The following CDNF variants were observed in gnomAD, a reference collection of about 807,000 sequenced individuals.
The protein encoded by CDNF is ARMET-like protein 1.
CDNF carries 9 observed loss-of-function variants against 14.8 expected under a neutral mutation model. The observed-to-expected ratio is 0.61, with a 90% CI of 0.37 to 1.06. The LOEUF (loss-of-function observed/expected upper bound fraction) is 1.06. Among genes scored for constraint, CDNF ranks in the 50% least tolerant of loss-of-function variants. The pLI, the probability that CDNF is intolerant of heterozygous loss-of-function variation, is 0.01. For missense variants in CDNF, 228 were observed against 228.4 expected (o/e 1.00, Z 0.01); for synonymous variants, 86 against 87.2 (o/e 0.99, Z 0.07).
intron 3 of CDNF, among the ~76,000 whole-genome samples, chr10:14,822,618 C>T (rs1304403043): frequency 6.6e-6 from 1 of 151,344 alleles, no homozygotes; most frequent in Non-Finnish European, 1.5e-5. Context: ...GTCCGGTGTT[C>T]ACTTTGATAA....
chr10:14,825,563 G>A lies in CDNF; in HGVS notation c.301C>T (p.Arg101Cys), dbSNP rs145772897. The change falls in exon 3 of 4, where the codon CGC becomes TGC. Residue 101 changes from arginine to cysteine, a missense_variant. Physicochemically the swap from Arg to Cys is radical, Grantham distance 180. Transcript: ENST00000465530. Reference protein sequence around the residue: ...AATKILSEVTRPMSVHMPAMK... With the variant: ...AATKILSEVTCPMSVHMPAMK... ...GCAGGCATATGCACACTCATTGGGC[G>A]AGTGACTTCACTTAGGATCTTTGTG... The A allele has an allele frequency of 7.3e-5, 118 of 1,614,038 alleles. No homozygotes were observed. Among genetic ancestry groups the A allele is most frequent in the Non-Finnish European group, 8.6e-5 (101 of 1,179,970 alleles).
In CDNF at chr10:14,826,095, AAGCAGC is replaced by A. The variant is rs71505046; in HGVS notation, c.244-481_244-476del. 3.7e-3 allele frequency among the ~76,000 whole-genome samples: 327 copies of A among 87,438 alleles called. 11 individuals are homozygous for A. Among genetic ancestry groups the A allele is most frequent in the African/African-American group, 6.8e-3 (135 of 19,742 alleles). The allele number at this position is 87,438 out of a possible 152,430, so 57.4% of individuals were successfully genotyped here. On this transcript the variant is annotated intron_variant, in intron 2 of 3. Transcript: ENST00000465530. ...GAAGAAGAAGAAGAAGAAGAAGAAG[AAGCAGC>A]AGCAGCAGCAGCAGCAGCAGCAGAA...
intron 2 of CDNF, among the ~76,000 whole-genome samples, chr10:14,827,012 T>A (rs1431003624): frequency 1.5e-5 from 2 of 132,874 alleles, no homozygotes; most frequent in African/African-American, 2.9e-5. Flanking sequence ...GCTCAGGAGT[T>A]CGAGATCAGC....
chr10:14,827,297 G>A (rs2097107547), intron 2 of CDNF, among the ~76,000 whole-genome samples: 1 of 152,050 alleles, frequency 6.6e-6, no homozygotes, highest in African/African-American at 2.4e-5. Context: ...CATGGCCATG[G>A]TGAACAGCCA....
rs1833841437 is a variant in CDNF at position 14,831,298 on chromosome 10, G to A, written c.116-3026C>T. Among the ~76,000 whole-genome samples, 3 of 152,126 alleles carry A rather than the reference G, an allele frequency of 2.0e-5. No homozygotes were observed. In the South Asian group the frequency reaches 6.2e-4, roughly 32 times the overall value. On this transcript the variant is annotated intron_variant, in intron 1 of 3. Coordinates refer to ENST00000465530, the MANE Select transcript of CDNF (RefSeq NM_001029954.3). ...ATGCTCCCAGGTAAAGCCAGCTTCA[G>A]TGCTCCCTTCAACCCCCTGGACTCC...
At chr10:14,826,089 A>AAGAAGG (rs1833783382) in intron 2 of CDNF, among the ~76,000 whole-genome samples, 2 of 125,412 alleles carry the variant, frequency 1.6e-5, no homozygotes, top group African/African-American at 3.0e-5. Flanking sequence ...GAAGAAGAAG[A>AAGAAGG]AGAAGAAGCA....
chr10:14,828,905 G>A (rs774113603), intron 1 of CDNF, among the ~76,000 whole-genome samples: 2 of 151,832 alleles, frequency 1.3e-5, no homozygotes, highest in African/African-American at 4.8e-5. Context: ...AATGCCTGTC[G>A]TGTCAGCTAC....
chr10:14,826,239 CAGAAGAAGCATAAGAAGCAGT>C (rs1431926855), intron 2 of CDNF, among the ~76,000 whole-genome samples: 2 of 144,614 alleles, frequency 1.4e-5, no homozygotes, highest in Admixed American at 1.4e-4. Flanking sequence ...GAAGCAGCAG[CAGAAGAAGCATAAGAAGCAGT>C]AGAAGAAGCA....
intron 1 of CDNF, among the ~76,000 whole-genome samples, chr10:14,828,843 T>TAAA (rs145985696): frequency 1.4e-5 from 2 of 146,038 alleles, no homozygotes; most frequent in African/African-American, 5.0e-5. Context: ...TTGTCTCTAC[T>TAAA]AAAAAAAAAA....
chr10:14,824,959 A>T (rs1564312862), intron 3 of CDNF, among the ~76,000 whole-genome samples: 1 of 145,526 alleles, frequency 6.9e-6, no homozygotes, highest in African/African-American at 2.5e-5. Context: ...TTCAGTGGCA[A>T]TTTTTTTTTT....
intron 2 of CDNF, among the ~76,000 whole-genome samples, chr10:14,825,987 A>C (rs1256167223): frequency 6.7e-6 from 1 of 149,288 alleles, no homozygotes; most frequent in East Asian, 2.0e-4. Context: ...GAAGAAGGAG[A>C]AGAAGAAGCA....
At chr10:14,831,129 C>T (rs977379117) in intron 1 of CDNF, among the ~76,000 whole-genome samples, 1 of 152,132 alleles carries the variant, frequency 6.6e-6, no homozygotes, top group Admixed American at 6.6e-5. Flanking sequence ...TCAGTTCACC[C>T]TTTATAATGA....
rs771086059 is a variant in CDNF, at chr10:14,825,532, T to C, written c.332A>G (p.Lys111Arg). 5.6e-6 allele frequency: 9 copies of C among 1,614,134 alleles called. No homozygotes were observed. In the East Asian group the frequency reaches 2.0e-4, roughly 36 times the overall value. Residue 111 changes from lysine to arginine, a missense_variant, in exon 3 of 4, where the codon AAG becomes AGG. Coordinates refer to ENST00000465530, the MANE Select transcript of CDNF (RefSeq NM_001029954.3). ...RPMSVHMPAMKICEKLKKLDS... is the reference protein window; with the variant it reads ...RPMSVHMPAMRICEKLKKLDS... ...CAACTTCTTCAGCTTCTCACAAATC[T>C]TCATTGCAGGCATATGCACACTCAT...
intron 3 of CDNF, among the ~76,000 whole-genome samples, chr10:14,821,050 C>A (rs1379987307): frequency 1.3e-5 from 2 of 152,134 alleles, no homozygotes; most frequent in African/African-American, 4.8e-5. Flanking sequence ...CCCAGCCATG[C>A]TTCCTGTACA....
intron 1 of CDNF, among the ~76,000 whole-genome samples, chr10:14,831,016 T>C (rs961647064): frequency 6.6e-6 from 1 of 152,202 alleles, no homozygotes; most frequent in Non-Finnish European, 1.5e-5. Context: ...AGCTTGTAAT[T>C]ATGAGTTATC....
chr10:14,820,662 G>C (rs1833730630), intron 3 of CDNF, among the ~76,000 whole-genome samples: 1 of 152,116 alleles, frequency 6.6e-6, no homozygotes, highest in Non-Finnish European at 1.5e-5. Context: ...GAACTTGGGA[G>C]ATGGAGGTTG....
chr10:14,832,711 GGA>G (rs759253194), intron 1 of CDNF, among the ~76,000 whole-genome samples: 11 of 152,152 alleles, frequency 7.2e-5, no homozygotes, highest in African/African-American at 7.2e-5. Context: ...TCAGAGTTGG[GGA>G]GAGAGAGAGG....
At chr10:14,826,049 G>GC (rs1833780865) in intron 2 of CDNF, among the ~76,000 whole-genome samples, 1 of 124,582 alleles carries the variant, frequency 8.0e-6, no homozygotes, top group Non-Finnish European at 1.6e-5. Context: ...AGAAGAAGAA[G>GC]AAGAAGAAGA....
intron 1 of CDNF, among the ~76,000 whole-genome samples, chr10:14,833,795 G>A (rs1156728452): frequency 6.6e-6 from 1 of 152,082 alleles, no homozygotes; most frequent in African/African-American, 2.4e-5. Context: ...CCAATGTTTA[G>A]CAATTGGGAA....
Sources: gnomAD v4.1 joint callset for allele counts (sites outside exome capture counted in the v4.1 genomes callset) on GRCh38, gnomAD v4.1.1 for gene constraint, MANE v1.5 for transcripts, NCBI Gene and HGNC (gene_info 2026-07-23, HGNC 2026-07-21) for gene names.